NSMCE1: variants seen among roughly 807,000 people sequenced by gnomAD.
NSMCE1 encodes NSE1 component of SMC5/6 complex, also known as non-structural maintenance of chromosomes element 1 homolog.
A neutral mutation model predicts 29.6 loss-of-function variants in NSMCE1; 18 were observed. That is an observed-to-expected ratio of 0.61 (90% CI 0.42 to 0.90). The LOEUF (loss-of-function observed/expected upper bound fraction) is 0.90, where lower values mean the gene tolerates loss of function less well. Ranked by LOEUF, NSMCE1 falls within the 40% of genes least tolerant of loss-of-function variation. NSMCE1 has a pLI of 0.00. For synonymous variants in NSMCE1, 124 were observed against 133.4 expected, an observed-to-expected ratio of 0.93 and a Z score of 0.49; for missense variants, 314 against 343.6, an observed-to-expected ratio of 0.91 and a Z score of 0.68.
intron 1 of NSMCE1, among the ~76,000 whole-genome samples, chr16:27,267,647 T>C (rs373579764): frequency 5.3e-5 from 8 of 151,802 alleles, no homozygotes; most frequent in African/African-American, 1.9e-4. Context: ...AAAGTCTGAA[T>C]ACCAAAACTT....
chr16:27,261,861 T>C (rs1014538780), intron 1 of NSMCE1, among the ~76,000 whole-genome samples: 2 of 152,200 alleles, frequency 1.3e-5, no homozygotes, highest in Admixed American at 6.5e-5. Flanking sequence ...GAATGACATA[T>C]CATCACTTAG....
chr16:27,255,289 G>A (rs192531801), intron 2 of NSMCE1, among the ~76,000 whole-genome samples: 6 of 152,196 alleles, frequency 3.9e-5, no homozygotes, highest in East Asian at 1.9e-4. Flanking sequence ...CAACTGCGGC[G>A]CATCTACCTT....
intron 2 of NSMCE1, among the ~76,000 whole-genome samples, chr16:27,238,026 C>A (rs1329711154): frequency 6.6e-6 from 1 of 152,154 alleles, no homozygotes. Context: ...CTGTTTCTCA[C>A]GGAGGCCCCG....
chr16:27,262,599 G>A (rs1044387797), intron 1 of NSMCE1, among the ~76,000 whole-genome samples: 3 of 152,148 alleles, frequency 2.0e-5, no homozygotes, highest in African/African-American at 7.2e-5. Context: ...AATTCAAGAT[G>A]GATTAAAGAC....
At chr16:27,260,692 C>A (rs1229981072) in intron 1 of NSMCE1, among the ~76,000 whole-genome samples, 1 of 151,818 alleles carries the variant, frequency 6.6e-6, no homozygotes, top group Non-Finnish European at 1.5e-5. Context: ...AATCCCATCT[C>A]CACAAAAAAC....
At chr16:27,226,485 G>A in intron 6 of NSMCE1, 1 of 495,556 alleles carries the variant, frequency 2.0e-6, no homozygotes, top group Non-Finnish European at 3.6e-6. Flanking sequence ...AGTAAGCGAG[G>A]GCCCTTGGAC....
intron 1 of NSMCE1, among the ~76,000 whole-genome samples, chr16:27,262,618 A>G (rs2084171743): frequency 6.6e-6 from 1 of 152,212 alleles, no homozygotes; most frequent in Non-Finnish European, 1.5e-5. Context: ...ACTTAAATGT[A>G]AGACCTAAAA....
intron 2 of NSMCE1, among the ~76,000 whole-genome samples, chr16:27,247,092 G>C (rs528988667): frequency 1.3e-5 from 2 of 152,114 alleles, no homozygotes. Context: ...AATACATATT[G>C]GATTGCAAAG....
intron 2 of NSMCE1, among the ~76,000 whole-genome samples, chr16:27,256,376 C>A (rs762586146): frequency 1.7e-4 from 26 of 152,176 alleles, no homozygotes; most frequent in Non-Finnish European, 3.4e-4. Context: ...GTGAAGGGTC[C>A]TGTGATCTCT....
In NSMCE1 at chr16:27,234,318, A is replaced by C. The variant is rs2083795777; in HGVS notation, c.259-53T>G. On this transcript the variant is annotated intron_variant, in intron 3 of 7. Coordinates refer to ENST00000361439, the MANE Select transcript of NSMCE1 (RefSeq NM_145080.4). The stretch of plus-strand genomic sequence containing the variant: ...GGCTGTGCTCTTTGCGTGTTGGTTA[A>C]CGTGTCGCTGGCTCTCCCTCCCTCC... 12 of 1,250,020 alleles carry C rather than the reference A, an allele frequency of 9.6e-6. 1 individual carries two copies. In the South Asian group the frequency reaches 1.4e-4, roughly 15 times the overall value. The allele number at this position is 1,250,020 out of a possible 1,614,324, so 77.4% of individuals were successfully genotyped here.
chr16:27,253,498 T>C (rs373696190), intron 2 of NSMCE1, among the ~76,000 whole-genome samples: 19 of 152,368 alleles, frequency 1.2e-4, no homozygotes, highest in African/African-American at 4.6e-4. Flanking sequence ...CAGTATTTTA[T>C]ACTTTGTCCA....
intron 5 of NSMCE1, among the ~76,000 whole-genome samples, chr16:27,227,186 T>TCCCC (rs1463564871): frequency 6.6e-6 from 1 of 152,180 alleles, no homozygotes; most frequent in Non-Finnish European, 1.5e-5. Context: ...GGGGTCAGTC[T>TCCCC]CCCCAGGGTG....
At chr16:27,238,914 G>A (rs974892716) in intron 2 of NSMCE1, among the ~76,000 whole-genome samples, 1 of 150,268 alleles carries the variant, frequency 6.7e-6, no homozygotes, top group Non-Finnish European at 1.5e-5. Flanking sequence ...CCATTGCCCA[G>A]GCTGGAGTGC....
chr16:27,226,670 C>A (rs148231504), intron 6 of NSMCE1, 50 bp downstream of exon 6: 1 of 1,226,328 alleles, frequency 8.2e-7, no homozygotes, highest in Non-Finnish European at 1.2e-6. Context: ...TACAGAGCCC[C>A]GGGAGCCGAG....
At position 27,229,817 on chromosome 16, in the gene NSMCE1, G is replaced by T. The variant is rs187872974; in HGVS notation, c.484-2981C>A. 3.1e-3 allele frequency among the ~76,000 whole-genome samples: 471 copies of T among 152,278 alleles called. 4 individuals carry two copies. Among genetic ancestry groups the T allele is most frequent in the Middle Eastern group, 0.031 (9 of 294 alleles). The stretch of plus-strand genomic sequence containing the variant: ...TGGTCTCAAACTCCTGACTTCAAGT[G>T]ATCTACCCGCCTTGGCCTCCCAAAA... On this transcript the variant is annotated intron_variant, in intron 5 of 7. Transcript: ENST00000361439.
chr16:27,246,302 A>G (rs2083958247), intron 2 of NSMCE1, among the ~76,000 whole-genome samples: 1 of 152,190 alleles, frequency 6.6e-6, no homozygotes, highest in Non-Finnish European at 1.5e-5. Context: ...TTTTTACCTA[A>G]CTTGTCCTTA....
intron 5 of NSMCE1, among the ~76,000 whole-genome samples, chr16:27,230,419 G>A (rs2083750648): frequency 6.6e-6 from 1 of 152,154 alleles, no homozygotes; most frequent in Admixed American, 6.5e-5. Context: ...CTGGGTAAGT[G>A]AGCACCCGCC....
intron 2 of NSMCE1, among the ~76,000 whole-genome samples, chr16:27,256,586 A>G (rs1251214115): frequency 6.6e-6 from 1 of 152,250 alleles, no homozygotes; most frequent in Non-Finnish European, 1.5e-5. Context: ...AAATCTAATC[A>G]GTAAGATCTA....
At chr16:27,226,367 C>T (rs2083691436) in intron 6 of NSMCE1, 1 of 260,444 alleles carries the variant, frequency 3.8e-6, no homozygotes, top group Non-Finnish European at 7.4e-6. Flanking sequence ...CCCTGCAAAC[C>T]AGTGTTAAGA....
Sources: gnomAD v4.1 joint callset for allele counts (sites outside exome capture counted in the v4.1 genomes callset) on GRCh38, gnomAD v4.1.1 for gene constraint, MANE v1.5 for transcripts, NCBI Gene and HGNC (gene_info 2026-07-23, HGNC 2026-07-21) for gene names.